The following CATSPERE variants were observed in gnomAD, a reference collection of about 807,000 sequenced individuals.
CATSPERE encodes cation channel sperm-associated auxiliary subunit epsilon.
A neutral mutation model predicts 114.1 loss-of-function variants in CATSPERE; 93 were observed. The ratio of observed to expected loss-of-function variants is 0.81; its 90% CI spans 0.69 to 0.97. The LOEUF is 0.97. Ranked by LOEUF, CATSPERE falls within the 50% of genes least tolerant of loss-of-function variation. The probability of loss-of-function intolerance (pLI) is 0.00; values close to 1 mark genes in which losing one functional copy is unlikely to be tolerated. For synonymous variants in CATSPERE, 341 were observed against 384.1 expected (o/e 0.89, Z 1.31); for missense variants, 1,058 against 1,131.6 (o/e 0.93, Z 0.93).
intron 6 of CATSPERE, among the ~76,000 whole-genome samples, chr1:244,496,501 G>A (rs1240771146): frequency 6.6e-6 from 1 of 152,062 alleles, no homozygotes; most frequent in African/African-American, 2.4e-5. Flanking sequence ...GAATCTGAAA[G>A]AGTACAAAAG....
intron 5 of CATSPERE, among the ~76,000 whole-genome samples, chr1:244,482,871 C>T (rs887826647): frequency 2.6e-5 from 4 of 152,002 alleles, no homozygotes; most frequent in African/African-American, 9.7e-5. Flanking sequence ...TTTAGTTTAG[C>T]GACTATATTT....
chr1:244,558,172 C>G (rs1408179163), intron 9 of CATSPERE, among the ~76,000 whole-genome samples: 1 of 99,192 alleles, frequency 1.0e-5, no homozygotes, highest in Non-Finnish European at 1.9e-5. Flanking sequence ...CGGAGTTTTA[C>G]TCTTGTTGCC....
intron 2 of CATSPERE, among the ~76,000 whole-genome samples, chr1:244,471,950 C>CACAAATATTAGAAGGTAAAATTG (rs1668537487): frequency 6.6e-6 from 1 of 152,050 alleles, no homozygotes; most frequent in Non-Finnish European, 1.5e-5. Flanking sequence ...AACTACACAA[C>CACAAATATTAGAAGGTAAAATTG]AGTTTTCTTC....
intron 19 of CATSPERE, among the ~76,000 whole-genome samples, chr1:244,617,199 G>A (rs900487367): frequency 8.5e-5 from 13 of 152,154 alleles, no homozygotes; most frequent in African/African-American, 2.9e-4. Flanking sequence ...TGTTGTGTCT[G>A]TACCTTATGA....
At chr1:244,579,441 T>C (rs1027889616) in intron 11 of CATSPERE, among the ~76,000 whole-genome samples, 4 of 152,248 alleles carry the variant, frequency 2.6e-5, no homozygotes, top group Non-Finnish European at 5.9e-5. Flanking sequence ...TTTTATGTAC[T>C]CGTGAAACAC....
At chr1:244,495,820 T>C (rs1672991967) in intron 6 of CATSPERE, among the ~76,000 whole-genome samples, 1 of 152,174 alleles carries the variant, frequency 6.6e-6, no homozygotes, top group South Asian at 2.1e-4. Context: ...TACAAAGAAA[T>C]GATACACCTC....
chr1:244,515,236 C>G (rs1422778773), intron 7 of CATSPERE: 2 of 635,830 alleles, frequency 3.1e-6, no homozygotes, highest in African/African-American at 4.0e-5. Flanking sequence ...TAACTCCTCT[C>G]CCACCTCAGG....
rs577121497 is a variant in CATSPERE at position 244,561,965 on chromosome 1, A to G, written c.1507+820A>G. ...CCAGGAGTTCGAGTCCAGCCTGTGC[A>G]ACATGGTGAGACCTCATCCCTACTA... On this transcript the variant is annotated intron_variant, in intron 10 of 21. Transcript: ENST00000366534. Among the ~76,000 whole-genome samples, 5 of 152,142 alleles carry G rather than the reference A, an allele frequency of 3.3e-5. No individual in the cohort carries two copies. The South Asian group carries it at 1.0e-3, about 32-fold the overall frequency.
chr1:244,490,095 A>T (rs12132563), intron 5 of CATSPERE, among the ~76,000 whole-genome samples: 267 of 152,254 alleles, frequency 1.8e-3, no homozygotes, highest in African/African-American at 6.2e-3. Context: ...ATCAACAAGG[A>T]CAAATGATGC....
chr1:244,612,767 T>C (rs1241143020), intron 19 of CATSPERE, among the ~76,000 whole-genome samples: 2 of 152,194 alleles, frequency 1.3e-5, no homozygotes, highest in Non-Finnish European at 2.9e-5. Flanking sequence ...GTTCAAGCAA[T>C]TCTTCTGCCT....
At chr1:244,548,055 G>A (rs3000688) in intron 8 of CATSPERE, among the ~76,000 whole-genome samples, 132,411 of 152,264 alleles carry the variant, frequency 0.87, 58,555 homozygotes, top group East Asian at 1. Flanking sequence ...AATTGGTGAC[G>A]AATAAATATG....
chr1:244,464,245 TGGGAGTGC>T, intron 2 of CATSPERE, among the ~76,000 whole-genome samples: 1 of 152,206 alleles, frequency 6.6e-6, no homozygotes, highest in Non-Finnish European at 1.5e-5. Flanking sequence ...CCCATGAGAA[TGGGAGTGC>T]TATTAATAAT....
upstream of CATSPERE, among the ~76,000 whole-genome samples, chr1:244,453,885 G>A (rs1665874780): frequency 6.6e-6 from 1 of 152,138 alleles, no homozygotes; most frequent in Non-Finnish European, 1.5e-5. Context: ...GGCTCCTGGG[G>A]GGGTCTCATT....
At chr1:244,451,541 G>A, upstream of CATSPERE, 4 of 1,368,130 alleles carry the variant, frequency 2.9e-6, no homozygotes, top group Non-Finnish European at 3.9e-6. This position sits in a 1 kb window ranked among gnomAD's most constrained non-coding sequence, Gnocchi z 6.6. Context: ...TTTGGCCAGT[G>A]GATCCGGGTT....
chr1:244,533,810 G>T (rs1679971418), intron 8 of CATSPERE, among the ~76,000 whole-genome samples: 1 of 152,108 alleles, frequency 6.6e-6, no homozygotes, highest in Non-Finnish European at 1.5e-5. Context: ...AGCAATTACA[G>T]TGTTTAATAT....
chr1:244,544,652 C>A (rs903075801), intron 8 of CATSPERE, among the ~76,000 whole-genome samples: 1 of 152,166 alleles, frequency 6.6e-6, no homozygotes, highest in East Asian at 1.9e-4. Context: ...AAGACTAGTG[C>A]CACCATCAAG....
rs376998582 is a variant in CATSPERE at position 244,619,206 on chromosome 1, G to C, written c.2648+1520G>C. 9.2e-5 allele frequency among the ~76,000 whole-genome samples: 14 copies of C among 152,114 alleles called. 1 individual carries two copies. Among genetic ancestry groups the C allele is most frequent in the African/African-American group, 2.2e-4 (9 of 41,432 alleles). ...ATACGGATGTGGGTACCTTCTATGG[G>C]GATTCCAGGAGCATACATAAGTTAG... On this transcript the variant is annotated intron_variant, in intron 20 of 21. Coordinates refer to ENST00000366534, the MANE Select transcript of CATSPERE (RefSeq NM_001130957.2).
Position 244,573,010 on chromosome 1 carries a change from G to C in CATSPERE, c.1950+238G>C, listed in dbSNP as rs920221311. ...ATTCCTTCAAAACTCATTGTCAATTGTATTGTTCACTTCTTCTTCTTTTTT... is the reference window on the plus strand; with the variant it reads ...ATTCCTTCAAAACTCATTGTCAATTCTATTGTTCACTTCTTCTTCTTTTTT... On this transcript the variant is annotated intron_variant, in intron 11 of 21. Coordinates refer to ENST00000366534, the MANE Select transcript of CATSPERE (RefSeq NM_001130957.2). This position sits in a 1 kb window ranked among gnomAD's most constrained non-coding sequence, Gnocchi z 4.0. Among the ~76,000 whole-genome samples the C allele has an allele frequency of 4.6e-5, 7 of 150,986 alleles. No individual in the cohort carries two copies. The highest frequency in any genetic ancestry group is 1.7e-4 in the African/African-American group (7 of 41,018).
At chr1:244,637,129 G>A (rs1573137253) in intron 21 of CATSPERE, among the ~76,000 whole-genome samples, 1 of 151,956 alleles carries the variant, frequency 6.6e-6, no homozygotes, top group East Asian at 1.9e-4. Flanking sequence ...TACCTCAGGG[G>A]GCCCTATTAC....
Sources: allele counts gnomAD v4.1 joint callset (sites outside exome capture counted in the v4.1 genomes callset), GRCh38; gene constraint gnomAD v4.1.1; non-coding constraint Gnocchi (gnomAD v3.1); transcripts MANE v1.5; gene names NCBI Gene and HGNC (gene_info 2026-07-23, HGNC 2026-07-21).